Variants in AUH observed in about 807,000 individuals in gnomAD.
AUH encodes the protein methylglutaconyl-CoA hydratase, mitochondrial.
In AUH, 29 loss-of-function variants were observed where a neutral mutation model predicts 42.3. That is an observed-to-expected ratio of 0.69 (90% CI 0.51 to 0.93). AUH has a LOEUF of 0.93. AUH is among the 40% of genes least tolerant of loss of function. The pLI is 0.00. For synonymous variants in AUH, 174 were observed against 166.4 expected (o/e 1.05, Z -0.35); for missense variants, 452 against 438.1 (o/e 1.03, Z -0.28).
chr9:91,214,858 GTCTT>G (rs1361935574), intron 9 of AUH, among the ~76,000 whole-genome samples: 2 of 152,146 alleles, frequency 1.3e-5, no homozygotes, highest in Non-Finnish European at 2.9e-5. Context: ...TTTTCCAGCA[GTCTT>G]TCTTTTATTG....
At chr9:91,234,380 G>A (rs1321282646) in intron 6 of AUH, among the ~76,000 whole-genome samples, 1 of 152,176 alleles carries the variant, frequency 6.6e-6, no homozygotes, top group Non-Finnish European at 1.5e-5. Flanking sequence ...ACCTGCCATG[G>A]TATAGACTGT....
Position 91,213,959 on chromosome 9 carries a change from A to AT in AUH, c.*388dup, listed in dbSNP as rs972895454. On this transcript the variant is annotated 3_prime_UTR_variant, in exon 10 of 10. Coordinates refer to ENST00000375731, the MANE Select transcript of AUH (RefSeq NM_001698.3). Reference sequence around the variant, plus strand: ...GAAACTTTATTTGGTATAACTTCACATTTTTGGTATATAGAAATTTTATTT... The same window carrying AT: ...GAAACTTTATTTGGTATAACTTCACATTTTTTGGTATATAGAAATTTTATTT... 1.1e-5 allele frequency: 2 copies of AT among 173,996 alleles called. No homozygotes were observed. The highest frequency in any genetic ancestry group is 4.8e-5 in the African/African-American group (2 of 41,822). The allele number at this position is 173,996 out of a possible 1,614,324, so 10.8% of individuals were successfully genotyped here. A position where few individuals can be genotyped will look rare whatever the true frequency, so the allele number is the denominator to read the frequency against.
At chr9:91,359,590 G>A (rs78155450) in intron 1 of AUH, among the ~76,000 whole-genome samples, 10,441 of 146,760 alleles carry the variant, frequency 0.071, 428 homozygotes, top group East Asian at 0.18. Flanking sequence ...AAAAAGAAAA[G>A]AAAAGGAAAT....
At chr9:91,239,473 G>A (rs1352999337) in intron 6 of AUH, among the ~76,000 whole-genome samples, 1 of 152,142 alleles carries the variant, frequency 6.6e-6, no homozygotes, top group Admixed American at 6.5e-5. Context: ...ATTCCTGTGG[G>A]ACTCTGTGTC....
At chr9:91,323,352 T>C (rs1829731053) in intron 4 of AUH, among the ~76,000 whole-genome samples, 1 of 152,118 alleles carries the variant, frequency 6.6e-6, no homozygotes, top group South Asian at 2.1e-4. Context: ...TGGCCAGGTG[T>C]GGTGGCTCCC....
chr9:91,355,120 A>AT (rs1832308674), intron 3 of AUH, among the ~76,000 whole-genome samples: 2 of 152,340 alleles, frequency 1.3e-5, no homozygotes, highest in South Asian at 4.1e-4. Context: ...GGTATCCTAC[A>AT]TTTTAAGAAA....
intron 6 of AUH, among the ~76,000 whole-genome samples, chr9:91,278,732 A>C (rs79863410): frequency 0.072 from 10,890 of 152,248 alleles, 672 homozygotes; most frequent in East Asian, 0.26. Flanking sequence ...AGGGTAGCAA[A>C]GACTGGATTT....
At chr9:91,295,414 G>A (rs979668087) in intron 6 of AUH, among the ~76,000 whole-genome samples, 1 of 152,220 alleles carries the variant, frequency 6.6e-6, no homozygotes, top group Non-Finnish European at 1.5e-5. Context: ...ATAAAGCAGT[G>A]GCAGGGTTTG....
chr9:91,327,536 C>T (rs1342238448), intron 3 of AUH, among the ~76,000 whole-genome samples: 1 of 152,206 alleles, frequency 6.6e-6, no homozygotes, highest in Admixed American at 6.5e-5. Flanking sequence ...TCCCCTCTCA[C>T]AGCTGAGAGC....
At chr9:91,286,831 A>C (rs1826452073) in intron 6 of AUH, among the ~76,000 whole-genome samples, 1 of 152,144 alleles carries the variant, frequency 6.6e-6, no homozygotes, top group Non-Finnish European at 1.5e-5. Flanking sequence ...CACAAACTTT[A>C]GACATGAGGA....
chr9:91,309,028 G>A lies in AUH; in HGVS notation c.506-10952C>T, dbSNP rs530568384. On this transcript the variant is annotated intron_variant, in intron 4 of 9. Coordinates refer to ENST00000375731, the MANE Select transcript of AUH (RefSeq NM_001698.3). ...GCTGGTCTCGAACTCCTGACCTCAG[G>A]TGATCCACCAGCCTCGACCTCCCAA... is the stretch of plus-strand genomic sequence containing the variant. 8.6e-5 allele frequency among the ~76,000 whole-genome samples: 13 copies of A among 151,812 alleles called. No individual in the cohort carries two copies. In the South Asian group the frequency reaches 2.7e-3, roughly 32 times the overall value.
intron 6 of AUH, among the ~76,000 whole-genome samples, chr9:91,228,610 T>C (rs200775043): frequency 0.2 from 28,715 of 142,736 alleles, 3,001 homozygotes; most frequent in East Asian, 0.26. Context: ...TGAATGTGTT[T>C]GCTCTTGCTT....
intron 6 of AUH, among the ~76,000 whole-genome samples, chr9:91,259,524 G>A (rs1455786152): frequency 6.6e-6 from 1 of 151,586 alleles, no homozygotes; most frequent in Non-Finnish European, 1.5e-5. Context: ...CCTCTTTTAA[G>A]GTAAAAGTTT....
intron 6 of AUH, among the ~76,000 whole-genome samples, chr9:91,293,395 C>T (rs1470081184): frequency 6.6e-6 from 1 of 152,248 alleles, no homozygotes; most frequent in Non-Finnish European, 1.5e-5. Context: ...AGTGCTACTC[C>T]AGTGAACACA....
intron 6 of AUH, among the ~76,000 whole-genome samples, chr9:91,251,976 CT>C (rs1465826711): frequency 2.6e-5 from 4 of 151,618 alleles, no homozygotes; most frequent in Admixed American, 6.6e-5. Flanking sequence ...TCAGGATTTT[CT>C]TTTTTTTGAG....
chr9:91,288,861 T>C (rs1826633895), intron 6 of AUH, among the ~76,000 whole-genome samples: 1 of 152,174 alleles, frequency 6.6e-6, no homozygotes, highest in African/African-American at 2.4e-5. Flanking sequence ...CATTAATATG[T>C]TCAATAGAAA....
At chr9:91,220,432 G>A (rs1266402754) in intron 7 of AUH, among the ~76,000 whole-genome samples, 2 of 152,170 alleles carry the variant, frequency 1.3e-5, no homozygotes, top group African/African-American at 4.8e-5. Flanking sequence ...TTTGACTTGG[G>A]GTGGCCCAGT....
rs1341392485 is a variant in AUH at position 91,356,170 on chromosome 9, A to T, written c.263-15T>A. On this transcript the variant is annotated splice_polypyrimidine_tract_variant and intron_variant, in intron 1 of 9. Coordinates refer to ENST00000375731, the MANE Select transcript of AUH (RefSeq NM_001698.3). ...CACCACAATTCCTAGTTAAAGGGGA[A>T]AAAAAGTACAAGCACTTGAGTGAGC... The T allele has an allele frequency of 1.2e-6, 2 of 1,610,646 alleles. No homozygotes were observed.
chr9:91,217,151 T>C, intron 8 of AUH, 126 bp downstream of exon 8: 2 of 965,196 alleles, frequency 2.1e-6, no homozygotes, highest in Non-Finnish European at 3.2e-6. Context: ...TAGCTTTCAG[T>C]AATAGTAGCA....
Sources: allele counts gnomAD v4.1 joint callset (sites outside exome capture counted in the v4.1 genomes callset), GRCh38; gene constraint gnomAD v4.1.1; transcripts MANE v1.5; gene names NCBI Gene and HGNC (gene_info 2026-07-23, HGNC 2026-07-21).